CARS1: variants seen among roughly 807,000 people sequenced by gnomAD.
CARS1 encodes cysteine--tRNA ligase, cytoplasmic.
A neutral mutation model predicts 106.2 loss-of-function variants in CARS1; 48 were observed. The ratio of observed to expected loss-of-function variants is 0.45; its 90% confidence interval spans 0.36 to 0.57. CARS1 has a LOEUF of 0.57. CARS1 is among the 20% of genes least tolerant of loss of function. The pLI is 0.00. For synonymous variants in CARS1, 409 were observed against 403.4 expected (o/e 1.01, Z -0.17); for missense variants, 968 against 1,057.2 (o/e 0.92, Z 1.17).
At position 3,028,327 on chromosome 11, in the gene CARS1, G is replaced by A; in HGVS notation, c.1031+669C>T. The A allele has an allele frequency of 1.9e-6, 1 of 515,018 alleles. No homozygotes were observed. The highest frequency in any genetic ancestry group is 1.9e-5 in the South Asian group (1 of 51,582). The allele number at this position is 515,018 out of a possible 1,614,324, so 31.9% of individuals were successfully genotyped here. On this transcript the variant is annotated intron_variant, in intron 9 of 22. Coordinates refer to ENST00000380525, the MANE Select transcript of CARS1 (RefSeq NM_001014437.3). This position sits in a 1 kb window ranked among gnomAD's most constrained non-coding sequence, Gnocchi z 4.4. ...CACTACCGGTCTCCGCGTCTTGGTG[G>A]TAGTGGTCCCCCGGGCCCAGCTGTC...
chr11:3,051,164 C>T (rs1426886044), intron 1 of CARS1, among the ~76,000 whole-genome samples: 2 of 152,256 alleles, frequency 1.3e-5, no homozygotes, highest in East Asian at 1.9e-4. Context: ...TTTGAGCCCC[C>T]AGGGGCTTGC....
Position 3,025,759 on chromosome 11 carries a change from G to C in CARS1, c.1153+917C>G, listed in dbSNP as rs555120967. 1.1e-4 allele frequency among the ~76,000 whole-genome samples: 17 copies of C among 152,222 alleles called. No homozygotes were observed. In the South Asian group the frequency reaches 1.9e-3, roughly 17 times the overall value. On this transcript the variant is annotated intron_variant, in intron 10 of 22. Transcript: ENST00000380525. ...AACATGAAGAAAACACCAACGAAAGGGTTCCCAATATAATTCTGCCTGGTC... is the reference window on the plus strand; with the variant it reads ...AACATGAAGAAAACACCAACGAAAGCGTTCCCAATATAATTCTGCCTGGTC...
chr11:3,051,507 T>C (rs4758462), intron 1 of CARS1, among the ~76,000 whole-genome samples: 141,123 of 152,268 alleles, frequency 0.93, 65,462 homozygotes, highest in African/African-American at 0.96. Context: ...CACCCCAAAG[T>C]GAGGTCCTGG....
chr11:3,036,632 A>G (rs1853676837), intron 7 of CARS1, among the ~76,000 whole-genome samples: 1 of 152,244 alleles, frequency 6.6e-6, no homozygotes, highest in African/African-American at 2.4e-5. Flanking sequence ...CAGAATATCA[A>G]AAATAGAATC....
At position 3,006,926 on chromosome 11, in the gene CARS1, C is replaced by G; in HGVS notation, c.2102G>C (p.Arg701Pro). 1 of 1,614,110 alleles carries G rather than the reference C, an allele frequency of 6.2e-7. No individual in the cohort carries two copies. Among genetic ancestry groups the G allele is most frequent in the Non-Finnish European group, 8.5e-7 (1 of 1,180,022 alleles). ...CCCAAGCTCGGGCAGGATGTTGTCC[C>G]GCAGGGCATCGCTGAGCTGCAGAAT... Reference protein sequence around the residue: ...PEILQLSDALRDNILPELGVR... With the variant: ...PEILQLSDALPDNILPELGVR... The change falls in exon 19 of 23, where the codon CGG (arginine) becomes CCG (proline). Residue 701 changes from arginine (R) to proline (P), a missense_variant. Transcript: ENST00000380525.
rs201406453 is a variant in CARS1 at position 3,024,438 on chromosome 11, T to TA, written c.1153+2237_1153+2238insT. 6.8e-3 allele frequency among the ~76,000 whole-genome samples: 1,033 copies of TA among 151,788 alleles called. 12 individuals carry two copies. Among genetic ancestry groups the TA allele is most frequent in the African/African-American group, 0.023 (935 of 41,348 alleles). The stretch of plus-strand genomic sequence containing the variant: ...TGTCAGTGTTGGTATCTTTTTTATT[T>TA]TAAAAAAAAAATTTTTTTAATGTCT... On this transcript the variant is annotated intron_variant, in intron 10 of 22. Transcript: ENST00000380525.
At position 3,037,015 on chromosome 11, in the gene CARS1, A is replaced by T. The variant is rs1853730420; in HGVS notation, c.801+1035T>A. On this transcript the variant is annotated intron_variant, in intron 7 of 22. Transcript: ENST00000380525. The surrounding 1 kb of genome is among the most constrained non-coding windows in gnomAD (Gnocchi z 5.9). Reference sequence around the variant, plus strand: ...TGTGTGTTTTACCACAATTAAAAAAAAAAAAAGAATATTAGTGGAACAACT... The same window carrying T: ...TGTGTGTTTTACCACAATTAAAAAATAAAAAAGAATATTAGTGGAACAACT... Among the ~76,000 whole-genome samples, 1 of 152,224 alleles carries T rather than the reference A, an allele frequency of 6.6e-6. No homozygotes were observed. The highest frequency in any genetic ancestry group is 2.4e-5 in the African/African-American group (1 of 41,456).
At position 3,037,809 on chromosome 11, in the gene CARS1, C is replaced by T. The variant is rs1485394184; in HGVS notation, c.801+241G>A. On this transcript the variant is annotated intron_variant, in intron 7 of 22. Transcript: ENST00000380525. The surrounding 1 kb of genome is among the most constrained non-coding windows in gnomAD (Gnocchi z 5.9). ...TGGAAGTGGTGGGAGGGTGTGGATC[C>T]CGAGTCTCCTTCCAGTGGCACAGGC... 1.3e-5 allele frequency among the ~76,000 whole-genome samples: 2 copies of T among 151,460 alleles called. No homozygotes were observed. Among genetic ancestry groups the T allele is most frequent in the African/African-American group, 4.9e-5 (2 of 41,140 alleles).
Position 3,019,840 on chromosome 11 carries a change from G to A in CARS1, c.1266+380C>T, listed in dbSNP as rs1297308198. Reference sequence around the variant, plus strand: ...GCCCTTGACAGCTGCAGATGGTCACGCCCCTTCCTAGGGTACCCTGCAGTC... The same window carrying A: ...GCCCTTGACAGCTGCAGATGGTCACACCCCTTCCTAGGGTACCCTGCAGTC... On this transcript the variant is annotated intron_variant, in intron 11 of 22. Transcript: ENST00000380525. The surrounding 1 kb of genome is among the most constrained non-coding windows in gnomAD (Gnocchi z 6.2). 6.6e-6 allele frequency among the ~76,000 whole-genome samples: 1 copy of A among 152,098 alleles called. No homozygotes were observed. The highest frequency in any genetic ancestry group is 2.4e-5 in the African/African-American group (1 of 41,414).
intron 22 of CARS1, among the ~76,000 whole-genome samples, chr11:3,001,615 C>G (rs551369363): frequency 6.6e-6 from 1 of 152,200 alleles, no homozygotes; most frequent in African/African-American, 2.4e-5. Context: ...GGCTGTGAAT[C>G]GCTATGACAA....
chr11:3,020,428 C>T lies in CARS1; in HGVS notation c.1154-96G>A. 1.4e-6 allele frequency: 1 copy of T among 713,260 alleles called. No homozygotes were observed. The highest frequency in any genetic ancestry group is 2.6e-6 in the Non-Finnish European group (1 of 391,750). The allele number at this position is 713,260 out of a possible 1,614,324, so 44.2% of individuals were successfully genotyped here. On this transcript the variant is annotated intron_variant, in intron 10 of 22. Coordinates refer to ENST00000380525, the MANE Select transcript of CARS1 (RefSeq NM_001014437.3). The surrounding 1 kb of genome is among the most constrained non-coding windows in gnomAD (Gnocchi z 4.6). ...CCATCCACGGTGCCTAATGGGCAGT[C>T]CTTCTGACTAACTTCTGTTTATTAA...
In CARS1 at chr11:3,020,077, G is replaced by C; in HGVS notation, c.1266+143C>G. The C allele has an allele frequency of 1.6e-6, 1 of 640,080 alleles. No individual in the cohort carries two copies. Among genetic ancestry groups the C allele is most frequent in the Non-Finnish European group, 2.8e-6 (1 of 356,618 alleles). The allele number at this position is 640,080 out of a possible 1,614,324, so 39.7% of individuals were successfully genotyped here. On this transcript the variant is annotated intron_variant, in intron 11 of 22. Transcript: ENST00000380525. This position sits in a 1 kb window ranked among gnomAD's most constrained non-coding sequence, Gnocchi z 4.6. Reference sequence around the variant, plus strand: ...ATGATGTCCAGGTCCCCGGGGCCAGGCAGCCTGTGCTGCACCAGCACCAGG... The same window carrying C: ...ATGATGTCCAGGTCCCCGGGGCCAGCCAGCCTGTGCTGCACCAGCACCAGG...
At position 3,029,096 on chromosome 11, in the gene CARS1, A is replaced by G. The variant is rs1852420154; in HGVS notation, c.943-12T>C. The G allele has an allele frequency of 6.3e-7, 1 of 1,595,394 alleles. No individual in the cohort carries two copies. Among genetic ancestry groups the G allele is most frequent in the Non-Finnish European group, 8.6e-7 (1 of 1,162,902 alleles). ...TCTGGAGGGAGAACCTGTGCAAGAC[A>G]TGAGAATGTCCTGGGATTTTCCCTT... On this transcript the variant is annotated splice_polypyrimidine_tract_variant and intron_variant, in intron 8 of 22. Transcript: ENST00000380525. This position sits in a 1 kb window ranked among gnomAD's most constrained non-coding sequence, Gnocchi z 5.9.
intron 10 of CARS1, among the ~76,000 whole-genome samples, chr11:3,024,294 C>T (rs1851841647): frequency 6.6e-6 from 1 of 152,182 alleles, no homozygotes; most frequent in Non-Finnish European, 1.5e-5. Context: ...TGTGTGGCAC[C>T]TTTGCTGCTG....
chr11:3,026,578 G>A (rs1427817760), intron 10 of CARS1, 98 bp downstream of exon 10: 2 of 1,281,846 alleles, frequency 1.6e-6, no homozygotes, highest in East Asian at 2.4e-5. Context: ...AGAGTCTGAG[G>A]GGTGGGCTCA....
In CARS1 at chr11:3,037,217, G is replaced by A. The variant is rs984915049; in HGVS notation, c.801+833C>T. 2.6e-5 allele frequency among the ~76,000 whole-genome samples: 4 copies of A among 152,196 alleles called. No individual in the cohort carries two copies. The highest frequency in any genetic ancestry group is 4.1e-4 in the South Asian group (2 of 4,826). On this transcript the variant is annotated intron_variant, in intron 7 of 22. Transcript: ENST00000380525. This position sits in a 1 kb window ranked among gnomAD's most constrained non-coding sequence, Gnocchi z 5.9. Reference sequence around the variant, plus strand: ...ACACTGACGACTACATACACGTGGCGTGTTTCCGTGAAGTTTGGAAACAGG... The same window carrying A: ...ACACTGACGACTACATACACGTGGCATGTTTCCGTGAAGTTTGGAAACAGG...
intron 16 of CARS1, among the ~76,000 whole-genome samples, chr11:3,016,481 C>A (rs1342545211): frequency 6.6e-6 from 1 of 152,106 alleles, no homozygotes; most frequent in Non-Finnish European, 1.5e-5. Context: ...CCTTGGCCTC[C>A]CAAAGTGCTG....
chr11:3,032,854 T>C (rs1853042867), intron 7 of CARS1, among the ~76,000 whole-genome samples: 1 of 150,994 alleles, frequency 6.6e-6, no homozygotes, highest in Admixed American at 6.6e-5. Flanking sequence ...TCCAAACCCA[T>C]AGGATGTAAC....
rs1851190579 is a variant in CARS1, at chr11:3,017,789, C to T, written c.1727+68G>A. 2 of 1,044,216 alleles carry T rather than the reference C, an allele frequency of 1.9e-6. No individual in the cohort carries two copies. The highest frequency in any genetic ancestry group is 1.3e-5 in the South Asian group (1 of 77,510). 64.7% of individuals were successfully genotyped at this position (1,044,216 alleles called of 1,614,324 possible). A position where few individuals can be genotyped will look rare whatever the true frequency, so the allele number is the denominator to read the frequency against. ...CTCGACAGTCCAGGACACATGGTGG[C>T]CAAGATGCGAGGCTAGGCATAGAAC... On this transcript the variant is annotated intron_variant, in intron 15 of 22. Transcript: ENST00000380525. This position sits in a 1 kb window ranked among gnomAD's most constrained non-coding sequence, Gnocchi z 4.9.
Sources: allele counts gnomAD v4.1 joint callset (sites outside exome capture counted in the v4.1 genomes callset), GRCh38; gene constraint gnomAD v4.1.1; non-coding constraint Gnocchi (gnomAD v3.1); transcripts MANE v1.5; gene names NCBI Gene and HGNC (gene_info 2026-07-23, HGNC 2026-07-21).